The following LBR variants were observed in gnomAD, a reference collection of about 807,000 sequenced individuals.
The protein encoded by LBR is delta(14)-sterol reductase LBR.
LBR carries 28 observed loss-of-function variants against 74.3 expected under a neutral mutation model. That is an observed-to-expected ratio of 0.38 (90% confidence interval 0.28 to 0.52). LBR has a LOEUF of 0.52. LBR is among the 20% of genes least tolerant of loss of function. The pLI, the probability that LBR is intolerant of heterozygous loss-of-function variation, is 0.89. For synonymous variants in LBR, 228 were observed against 269.3 expected (o/e 0.85, Z 1.50); for missense variants, 717 against 760.3 (o/e 0.94, Z 0.67).
In LBR at chr1:225,410,313, A is replaced by G; in HGVS notation, c.1292T>C (p.Val431Ala). The G allele has an allele frequency of 6.2e-7, 1 of 1,614,138 alleles. No homozygotes were observed. The highest frequency in any genetic ancestry group is 8.5e-7 in the Non-Finnish European group (1 of 1,180,018). The change falls in exon 10 of 14, where the codon GTG becomes GCG. Residue 431 changes from valine to alanine, a missense_variant. Physicochemically the swap from Val to Ala is moderately conservative, Grantham distance 64. Transcript: ENST00000272163. Reference sequence around the variant, plus strand: ...TACCTCATTCCAGAGAGCATCCACCACATAGAGAAGCTGGAAACTATTAAC... The same window carrying G: ...TACCTCATTCCAGAGAGCATCCACCGCATAGAGAAGCTGGAAACTATTAAC... ...ILVNSFQLLY[V>A]VDALWNEEAL...
chr1:225,407,451 A>G (rs1166210750), intron 10 of LBR, among the ~76,000 whole-genome samples: 1 of 152,228 alleles, frequency 6.6e-6, no homozygotes, highest in Non-Finnish European at 1.5e-5. Flanking sequence ...CATTTTCCAC[A>G]GAAGAAATTA....
Position 225,419,749 on chromosome 1 carries a change from A to G in LBR, c.416T>C (p.Ile139Thr), listed in dbSNP as rs760061264. 1.5e-5 allele frequency: 25 copies of G among 1,612,920 alleles called. No homozygotes were observed. In the East Asian group the frequency reaches 2.9e-4, roughly 19 times the overall value. Residue 139 changes from isoleucine (I) to threonine (T), a missense_variant, in exon 4 of 14, where the codon ATT becomes ACT. Ile to Thr is a moderately conservative substitution (Grantham distance 89). Coordinates refer to ENST00000272163, the MANE Select transcript of LBR (RefSeq NM_002296.4). ...ISRYNGEPEH[I>T]ERNDAPHKNT... ...TTTATGAGGTGCGTCATTTCTCTCA[A>G]TATGCTCAGGCTCCCCATTATATCT...
chr1:225,408,188 T>C (rs574959888), intron 10 of LBR, among the ~76,000 whole-genome samples: 33 of 152,318 alleles, frequency 2.2e-4, no homozygotes, highest in African/African-American at 7.9e-4. Flanking sequence ...TATCCTTCCC[T>C]TCCCCCTACC....
chr1:225,426,579 A>G (rs1013172916), intron 1 of LBR, among the ~76,000 whole-genome samples: 17 of 152,194 alleles, frequency 1.1e-4, no homozygotes, highest in African/African-American at 4.1e-4. Flanking sequence ...CTGTTTGTGA[A>G]CACAACAATT....
chr1:225,406,814 T>C lies in LBR; in HGVS notation c.1333A>G (p.Met445Val), dbSNP rs148033978. The C allele has an allele frequency of 3.7e-5, 59 of 1,614,102 alleles. No homozygotes were observed. Among genetic ancestry groups the C allele is most frequent in the Non-Finnish European group, 4.7e-5 (56 of 1,180,040 alleles). ...LWNEEALLTTMDIIHDGFGFM... is the reference protein window; with the variant it reads ...LWNEEALLTTVDIIHDGFGFM... The stretch of plus-strand genomic sequence containing the variant: ...CCAAATCCATCGTGGATGATGTCCA[T>C]GGTCGTCAACAACGCTTCCTATAAG... Residue 445 changes from methionine (M) to valine (V), a missense_variant, in exon 11 of 14, where the codon ATG (methionine) becomes GTG (valine). Physicochemically the swap from Met to Val is conservative, Grantham distance 21. Coordinates refer to ENST00000272163, the MANE Select transcript of LBR (RefSeq NM_002296.4).
At chr1:225,421,720 G>C (rs1177773286) in intron 3 of LBR, among the ~76,000 whole-genome samples, 2 of 152,178 alleles carry the variant, frequency 1.3e-5, no homozygotes, top group African/African-American at 2.4e-5. Flanking sequence ...ATGATGCTAA[G>C]AGTAAGAATG....
At chr1:225,425,478 G>T (rs2096137339) in intron 1 of LBR, among the ~76,000 whole-genome samples, 1 of 152,172 alleles carries the variant, frequency 6.6e-6, no homozygotes, top group South Asian at 2.1e-4. Context: ...TTTGGGCTTG[G>T]AGTAGTGGGG....
At chr1:225,403,570 AT>A in intron 13 of LBR, 107 bp from the exon 14 acceptor site, 1 of 812,706 alleles carries the variant, frequency 1.2e-6, no homozygotes, top group South Asian at 1.5e-5. Flanking sequence ...AAGGTACTTC[AT>A]TTTCTCTAAT....
Position 225,406,902 on chromosome 1 carries a change from T to A in LBR, c.1315-70A>T, listed in dbSNP as rs899734232. The stretch of plus-strand genomic sequence containing the variant: ...TAAAGTATTCAAATAAAGTACTAGT[T>A]TACAGGCAAATGTAAAAAGTGCTAT... On this transcript the variant is annotated intron_variant, in intron 10 of 13. Coordinates refer to ENST00000272163, the MANE Select transcript of LBR (RefSeq NM_002296.4). The A allele has an allele frequency of 1.0e-5, 15 of 1,479,302 alleles. No individual in the cohort carries two copies. In the African/African-American group the frequency reaches 1.9e-4, roughly 19 times the overall value. 91.6% of individuals were successfully genotyped at this position (1,479,302 alleles called of 1,614,324 possible). A position where few individuals can be genotyped will look rare whatever the true frequency, so the allele number is the denominator to read the frequency against.
Position 225,402,223 on chromosome 1 carries a change from A to G in LBR, c.*1080T>C, listed in dbSNP as rs2096083056. 6.6e-6 allele frequency: 1 copy of G among 152,252 alleles called. No homozygotes were observed. The highest frequency in any genetic ancestry group is 2.1e-4 in the South Asian group (1 of 4,836). 9.4% of individuals were successfully genotyped at this position (152,252 alleles called of 1,614,324 possible). On this transcript the variant is annotated 3_prime_UTR_variant, in exon 14 of 14. Coordinates refer to ENST00000272163, the MANE Select transcript of LBR (RefSeq NM_002296.4). ...GGTAAATATAAAGGATACATAAAAA[A>G]TACAGTATAAACTGCATAAGCTTAA...
intron 3 of LBR, among the ~76,000 whole-genome samples, chr1:225,420,268 C>G (rs1404242184): frequency 6.8e-6 from 1 of 146,474 alleles, no homozygotes; most frequent in Non-Finnish European, 1.5e-5. Flanking sequence ...AAGACCGCGC[C>G]ATTGCACTCC....
chr1:225,412,604 A>G lies in LBR; in HGVS notation c.934T>C (p.Ser312Pro), dbSNP rs2096108331. ...FILTSAVIGT[S>P]LFQGVEFHYV... ...TGAAACTCTACGCCCTGGAAGAGAG[A>G]TGTTCCGATGACTGCAGATGTCAGG... The change falls in exon 8 of 14, where the codon TCT becomes CCT. Residue 312 changes from serine to proline, a missense_variant. Ser to Pro is a moderately conservative substitution (Grantham distance 74). Transcript: ENST00000272163. 3 of 1,609,860 alleles carry G rather than the reference A, an allele frequency of 1.9e-6. No individual in the cohort carries two copies. The highest frequency in any genetic ancestry group is 1.7e-6 in the Non-Finnish European group (2 of 1,177,028).
intron 12 of LBR, 43 bp downstream of exon 12, chr1:225,404,583 C>T (rs2096087639): frequency 1.3e-6 from 2 of 1,561,556 alleles, no homozygotes; most frequent in Non-Finnish European, 1.7e-6. Flanking sequence ...AAAAATAAAA[C>T]CTTCATGTAA....
chr1:225,404,621 C>A lies in LBR; in HGVS notation c.1564+5G>T. 1.9e-6 allele frequency: 3 copies of A among 1,604,894 alleles called. No individual in the cohort carries two copies. The highest frequency in any genetic ancestry group is 2.6e-6 in the Non-Finnish European group (3 of 1,173,304). On this transcript the variant is annotated splice_donor_5th_base_variant and intron_variant, in intron 12 of 13. Transcript: ENST00000272163. ...TATATAATATAAACATAAATCAATACTTACGTGCAAGCTTTGGATCACTGG... is the reference window on the plus strand; with the variant it reads ...TATATAATATAAACATAAATCAATAATTACGTGCAAGCTTTGGATCACTGG...
chr1:225,409,427 G>C (rs2096099841), intron 10 of LBR, among the ~76,000 whole-genome samples: 2 of 152,160 alleles, frequency 1.3e-5, no homozygotes, highest in African/African-American at 4.8e-5. Flanking sequence ...CAGCAGGGGT[G>C]GGGGAGATAC....
intron 13 of LBR, among the ~76,000 whole-genome samples, chr1:225,403,724 C>T (rs1438300249): frequency 6.6e-6 from 1 of 152,120 alleles, no homozygotes; most frequent in African/African-American, 2.4e-5. Flanking sequence ...ATAGTTAATA[C>T]ACATCTCTTC....
rs187939706 is a variant in LBR, at chr1:225,411,202, G to C, written c.1188+135C>G. ...GAAAATACTTACAAGAAAGTATTTTGATAGATTTATGGAAAGCCATAATTA... is the reference window on the plus strand; with the variant it reads ...GAAAATACTTACAAGAAAGTATTTTCATAGATTTATGGAAAGCCATAATTA... On this transcript the variant is annotated intron_variant, in intron 9 of 13. Transcript: ENST00000272163. The C allele has an allele frequency of 3.0e-4, 217 of 732,236 alleles. No homozygotes were observed. In the African/African-American group the frequency reaches 3.2e-3, roughly 11 times the overall value. The allele number at this position is 732,236 out of a possible 1,614,324, so 45.4% of individuals were successfully genotyped here.
intron 8 of LBR, 111 bp downstream of exon 8, chr1:225,412,343 C>T: frequency 2.1e-6 from 2 of 940,478 alleles, no homozygotes; most frequent in Non-Finnish European, 1.7e-6. Flanking sequence ...TCTTACTTCT[C>T]TTCATTTCCC....
In LBR at chr1:225,401,934, A is replaced by C. The variant is rs1284353519; in HGVS notation, c.*1369T>G. ...GCATATCTAAATGGCTCATATATAA[A>C]ATGTGTAATTAAAACCCAAACATAC... is the stretch of plus-strand genomic sequence containing the variant. On this transcript the variant is annotated 3_prime_UTR_variant, in exon 14 of 14. Transcript: ENST00000272163. 6.6e-6 allele frequency: 1 copy of C among 152,226 alleles called. No individual in the cohort carries two copies. Among genetic ancestry groups the C allele is most frequent in the Non-Finnish European group, 1.5e-5 (1 of 68,042 alleles). The allele number at this position is 152,226 out of a possible 1,614,324, so 9.4% of individuals were successfully genotyped here. A position where few individuals can be genotyped will look rare whatever the true frequency, so the allele number is the denominator to read the frequency against.
Sources: gnomAD v4.1 joint callset for allele counts (sites outside exome capture counted in the v4.1 genomes callset) on GRCh38, gnomAD v4.1.1 for gene constraint, MANE v1.5 for transcripts, NCBI Gene and HGNC (gene_info 2026-07-23, HGNC 2026-07-21) for gene names.